The following FGD4 variants were observed in gnomAD, a reference collection of about 807,000 sequenced individuals.
The protein encoded by FGD4 is FYVE, RhoGEF and PH domain-containing protein 4.
In FGD4, 42 loss-of-function variants were observed where a neutral mutation model predicts 102.0. The ratio of observed to expected loss-of-function variants is 0.41; its 90% CI spans 0.32 to 0.53. FGD4 has a LOEUF of 0.53. FGD4 is among the 20% of genes least tolerant of loss of function. FGD4 has a pLI of 0.21. For missense variants in FGD4, 902 were observed against 1,078.2 expected, an observed-to-expected ratio of 0.84 and a Z score of 2.29; for synonymous variants, 380 against 375.7, an observed-to-expected ratio of 1.01 and a Z score of -0.13.
intron 7 of FGD4, among the ~76,000 whole-genome samples, chr12:32,603,759 G>A (rs547471284): frequency 2.0e-5 from 3 of 151,532 alleles, no homozygotes; most frequent in African/African-American, 7.3e-5. Context: ...CTAGAGTGCA[G>A]TGGCCCAGTC....
intron 1 of FGD4, among the ~76,000 whole-genome samples, chr12:32,422,914 C>T (rs1941693147): frequency 6.6e-6 from 1 of 152,110 alleles, no homozygotes; most frequent in South Asian, 2.1e-4. Context: ...AACTATTACC[C>T]TCATCGTACA....
chr12:32,437,095 TG>T (rs1337344376), intron 1 of FGD4, among the ~76,000 whole-genome samples: 2 of 122,238 alleles, frequency 1.6e-5, no homozygotes, highest in East Asian at 4.4e-4. Flanking sequence ...GGTGACAGAG[TG>T]GGACTCCATG....
At chr12:32,540,693 G>C (rs1272076051) in intron 1 of FGD4, among the ~76,000 whole-genome samples, 1 of 151,926 alleles carries the variant, frequency 6.6e-6, no homozygotes, top group Non-Finnish European at 1.5e-5. Flanking sequence ...AGCCTCCCGA[G>C]TAGCTGGGAT....
At chr12:32,528,979 GATAATAC>G (rs1450413911) in intron 1 of FGD4, among the ~76,000 whole-genome samples, 1 of 152,076 alleles carries the variant, frequency 6.6e-6, no homozygotes, top group Non-Finnish European at 1.5e-5. Flanking sequence ...GATGTTCAAG[GATAATAC>G]ATCTGCTTTG....
At position 32,596,983 on chromosome 12, in the gene FGD4, G is replaced by A. The variant is rs1052503724; in HGVS notation, c.1012-1514G>A. ...GAAGTACATGGAAGGATATAACTTT[G>A]TTATATATTTTTCTCAGAGCAGAAA... On this transcript the variant is annotated intron_variant, in intron 4 of 16. Transcript: ENST00000534526. Among the ~76,000 whole-genome samples the A allele has an allele frequency of 2.0e-5, 3 of 151,494 alleles. No homozygotes were observed. In the East Asian group the frequency reaches 5.8e-4, roughly 29 times the overall value.
rs200761894 is a variant in FGD4 at position 32,625,776 on chromosome 12, A to C, written c.2169A>C (p.Gly723=). 2.5e-6 allele frequency: 4 copies of C among 1,613,998 alleles called. No individual in the cohort carries two copies. The highest frequency in any genetic ancestry group is 1.7e-4 in the Middle Eastern group (1 of 6,060). ...TRRRHHCRAC[G]YVVCWKCSDY... ...GGAGGCATCATTGTCGAGCATGTGG[A>C]TATGTAAGTGAGATTTCTTGATCAT... The change falls in exon 14 of 17, where the codon GGA becomes GGC. Residue 723 remains glycine (G), a synonymous_variant. Coordinates refer to ENST00000534526, the MANE Select transcript of FGD4 (RefSeq NM_001370298.3).
chr12:32,518,918 C>T (rs1434897103), intron 1 of FGD4, among the ~76,000 whole-genome samples: 15 of 151,702 alleles, frequency 9.9e-5, no homozygotes, highest in Admixed American at 9.2e-4. Context: ...AGGTCGACAC[C>T]AGCCTGACCA....
intron 4 of FGD4, among the ~76,000 whole-genome samples, chr12:32,594,913 G>A (rs929571395): frequency 4.0e-5 from 6 of 151,834 alleles, no homozygotes; most frequent in Non-Finnish European, 5.9e-5. Flanking sequence ...CACGTGTAGT[G>A]TCAGCTGCTT....
chr12:32,570,661 G>A (rs910849993), intron 2 of FGD4, among the ~76,000 whole-genome samples: 2 of 151,980 alleles, frequency 1.3e-5, no homozygotes, highest in Non-Finnish European at 2.9e-5. Context: ...GGCTGGTCTC[G>A]AACTCCTGAC....
chr12:32,472,286 T>C (rs1368398319), intron 1 of FGD4, among the ~76,000 whole-genome samples: 1 of 152,056 alleles, frequency 6.6e-6, no homozygotes, highest in African/African-American at 2.4e-5. Flanking sequence ...CAGGGAGGTG[T>C]GGAGGGAGAG....
intron 15 of FGD4, 107 bp downstream of exon 15, chr12:32,633,796 A>C (rs1453277560): frequency 2.0e-6 from 2 of 1,011,790 alleles, no homozygotes; most frequent in East Asian, 5.6e-5. Flanking sequence ...GCTCACTGCA[A>C]CCTCAGCCTC....
At chr12:32,469,680 A>G (rs1943363744) in intron 1 of FGD4, among the ~76,000 whole-genome samples, 1 of 146,912 alleles carries the variant, frequency 6.8e-6, no homozygotes. Flanking sequence ...TTTTTTTGAG[A>G]CGGAGTTTTG....
intron 1 of FGD4, among the ~76,000 whole-genome samples, chr12:32,474,685 T>G (rs901062432): frequency 5.9e-5 from 9 of 152,116 alleles, no homozygotes; most frequent in Non-Finnish European, 2.9e-5. Context: ...CAAGGTGGGT[T>G]GATTGCTTGA....
intron 1 of FGD4, among the ~76,000 whole-genome samples, chr12:32,497,195 G>A (rs982089597): frequency 5.3e-5 from 8 of 152,032 alleles, no homozygotes; most frequent in Admixed American, 2.0e-4. Context: ...GGAATGATGG[G>A]CCACTAAAAA....
At position 32,564,255 on chromosome 12, in the gene FGD4, A is replaced by G. The variant is rs1294396853; in HGVS notation, c.285A>G (p.Pro95=). ...EEAQGINGNR[P]AKHSAASPKP... The stretch of plus-strand genomic sequence containing the variant: ...CTCAGGGAATAAATGGGAACAGGCC[A>G]GCAAAACACTCAGCTGCAAGTCCAA... The change falls in exon 2 of 17, where the codon CCA becomes CCG. Residue 95 remains proline, a synonymous_variant. Coordinates refer to ENST00000534526, the MANE Select transcript of FGD4 (RefSeq NM_001370298.3). The G allele has an allele frequency of 1.3e-6, 2 of 1,536,152 alleles. No homozygotes were observed. The highest frequency in any genetic ancestry group is 1.7e-6 in the Non-Finnish European group (2 of 1,146,896).
intron 1 of FGD4, among the ~76,000 whole-genome samples, chr12:32,553,358 T>C (rs34007546): frequency 1.3e-5 from 2 of 152,228 alleles, no homozygotes; most frequent in Admixed American, 6.5e-5. Context: ...TTTAGAAATC[T>C]TAGTGTTATC....
At chr12:32,599,600 T>C (rs1345108403) in intron 5 of FGD4, among the ~76,000 whole-genome samples, 1 of 113,220 alleles carries the variant, frequency 8.8e-6, no homozygotes, top group East Asian at 3.1e-4. Context: ...CAGGCTGTAG[T>C]GCAGTGGTTT....
intron 3 of FGD4, 120 bp downstream of exon 3, chr12:32,576,569 A>G: frequency 1.7e-6 from 2 of 1,148,008 alleles, no homozygotes; most frequent in Non-Finnish European, 2.5e-6. Flanking sequence ...TAGGTTTGGT[A>G]GGCCTTCAGA....
At chr12:32,430,912 A>G (rs1942022695) in intron 1 of FGD4, among the ~76,000 whole-genome samples, 2 of 152,308 alleles carry the variant, frequency 1.3e-5, no homozygotes, top group Admixed American at 1.3e-4. Flanking sequence ...AAAAGAAGGG[A>G]AGGAGGAGAA....
Sources: allele counts gnomAD v4.1 joint callset (sites outside exome capture counted in the v4.1 genomes callset), GRCh38; gene constraint gnomAD v4.1.1; transcripts MANE v1.5; gene names NCBI Gene and HGNC (gene_info 2026-07-23, HGNC 2026-07-21).